SMCO2: variants seen among roughly 807,000 people sequenced by gnomAD.
The protein encoded by SMCO2 is single-pass membrane protein with coiled-coil domains 2, also known as single-pass membrane and coiled-coil domain-containing protein 2.
Under a neutral mutation model 29.5 loss-of-function variants are expected in SMCO2, and 25 were observed. That is an observed-to-expected ratio of 0.85 (90% confidence interval 0.62 to 1.18). The LOEUF (loss-of-function observed/expected upper bound fraction) is 1.18, where lower values mean the gene tolerates loss of function less well. SMCO2 is among the 50% of genes most tolerant of loss of function. SMCO2 has a pLI of 0.00. For missense variants in SMCO2, 348 were observed against 344.5 expected, an observed-to-expected ratio of 1.01 and a Z score of -0.08; for synonymous variants, 117 against 123.3, an observed-to-expected ratio of 0.95 and a Z score of 0.34.
chr12:27,472,294 C>A (rs184862192), intron 2 of SMCO2, among the ~76,000 whole-genome samples: 1 of 152,042 alleles, frequency 6.6e-6, no homozygotes, highest in Non-Finnish European at 1.5e-5. Flanking sequence ...ACATAAACAT[C>A]TCTGCTTATT....
chr12:27,428,867 T>C, the SMCO2 span, among the ~76,000 whole-genome samples: 2 of 150,302 alleles, frequency 1.3e-5, no homozygotes, highest in African/African-American at 4.9e-5. Context: ...GATGCCTAGA[T>C]TACATAAACT....
At chr12:27,446,586 T>TC in the SMCO2 span, 2 of 152,028 alleles carry the variant, frequency 1.3e-5, no homozygotes, top group Non-Finnish European at 2.9e-5. Flanking sequence ...CATCCTAACC[T>TC]CCCCACTTTG....
intron 4 of SMCO2, among the ~76,000 whole-genome samples, chr12:27,476,414 T>C (rs1277135993): frequency 6.6e-6 from 1 of 152,206 alleles, no homozygotes; most frequent in Non-Finnish European, 1.5e-5. Flanking sequence ...TGTTCCTTTG[T>C]TAATTTTTTG....
chr12:27,458,707 G>A, the SMCO2 span, among the ~76,000 whole-genome samples: 1 of 151,852 alleles, frequency 6.6e-6, no homozygotes, highest in Non-Finnish European at 1.5e-5. Context: ...CCAGCATGGT[G>A]AAACCCCCAT....
At chr12:27,480,050 G>C (rs1487063605) in intron 4 of SMCO2, among the ~76,000 whole-genome samples, 2 of 152,152 alleles carry the variant, frequency 1.3e-5, no homozygotes, top group Admixed American at 6.5e-5. Context: ...TGTGGCTGCA[G>C]GCCCAAGAGC....
chr12:27,452,328 C>T, the SMCO2 span, among the ~76,000 whole-genome samples: 1 of 152,184 alleles, frequency 6.6e-6, no homozygotes, highest in Non-Finnish European at 1.5e-5. Flanking sequence ...AGTAATTTCT[C>T]ATCGTCCACT....
the SMCO2 span, among the ~76,000 whole-genome samples, chr12:27,450,940 A>G: frequency 6.6e-6 from 1 of 152,160 alleles, no homozygotes; most frequent in Non-Finnish European, 1.5e-5. Flanking sequence ...TCTTGGGAGG[A>G]GTGAAAGAGA....
chr12:27,480,224 G>A (rs1387469677), intron 4 of SMCO2, among the ~76,000 whole-genome samples: 2 of 152,208 alleles, frequency 1.3e-5, no homozygotes, highest in Non-Finnish European at 2.9e-5. Flanking sequence ...TTTTCTGCCT[G>A]CCTTGTTCCA....
At chr12:27,445,755 G>A in the SMCO2 span, among the ~76,000 whole-genome samples, 2 of 152,240 alleles carry the variant, frequency 1.3e-5, no homozygotes, top group South Asian at 4.1e-4. Context: ...ACCACAGAGT[G>A]GGTGGCTTAA....
At chr12:27,452,162 G>A in the SMCO2 span, among the ~76,000 whole-genome samples, 1 of 152,186 alleles carries the variant, frequency 6.6e-6, no homozygotes, top group East Asian at 1.9e-4. Flanking sequence ...GAAAGTGGGA[G>A]TAAAGAAGGC....
intron 1 of SMCO2, among the ~76,000 whole-genome samples, chr12:27,468,197 T>TA (rs35500399): frequency 0.13 from 19,756 of 152,196 alleles, 1,601 homozygotes; most frequent in African/African-American, 0.23. Flanking sequence ...CTCCAAAGTT[T>TA]AGCTCTTATT....
chr12:27,471,332 TAA>T (rs1949539455), intron 2 of SMCO2, among the ~76,000 whole-genome samples: 1 of 152,206 alleles, frequency 6.6e-6, no homozygotes, highest in Non-Finnish European at 1.5e-5. Flanking sequence ...GTTTTTCATA[TAA>T]GTTTTTTCAT....
At chr12:27,438,871 G>A in the SMCO2 span, among the ~76,000 whole-genome samples, 2 of 151,384 alleles carry the variant, frequency 1.3e-5, no homozygotes, top group Non-Finnish European at 2.9e-5. Flanking sequence ...ACAGTTCCTG[G>A]GGCCACAGAG....
chr12:27,502,167 C>A, exon 8 of SMCO2: 1 of 1,398,532 alleles, frequency 7.2e-7, no homozygotes, highest in Non-Finnish European at 9.4e-7. Context: ...CACCAGTAAA[C>A]ATTGTGGCTG....
the SMCO2 span, among the ~76,000 whole-genome samples, chr12:27,459,155 C>T: frequency 1.4e-5 from 2 of 146,022 alleles, no homozygotes; most frequent in African/African-American, 2.6e-5. Flanking sequence ...CCACTGCACT[C>T]CAGCCTGGGC....
At chr12:27,465,648 T>C (rs1462229745), upstream of SMCO2, among the ~76,000 whole-genome samples, 1 of 152,240 alleles carries the variant, frequency 6.6e-6, no homozygotes, top group Non-Finnish European at 1.5e-5. Flanking sequence ...ACAACATTTT[T>C]TGAGCACCTA....
chr12:27,447,461 T>G, the SMCO2 span, among the ~76,000 whole-genome samples: 1 of 151,984 alleles, frequency 6.6e-6, no homozygotes, highest in East Asian at 1.9e-4. Context: ...GGGAGCTTGT[T>G]AGAAAGGCAG....
At chr12:27,484,839 A>G (rs190147756) in intron 4 of SMCO2, among the ~76,000 whole-genome samples, 2,573 of 131,348 alleles carry the variant, frequency 0.02, 90 homozygotes, top group African/African-American at 0.068. Flanking sequence ...GCGACAGAGT[A>G]AGACTCCATC....
chr12:27,445,070 T>C, the SMCO2 span, among the ~76,000 whole-genome samples: 1 of 152,158 alleles, frequency 6.6e-6, no homozygotes, highest in Non-Finnish European at 1.5e-5. Flanking sequence ...GCCATTATGC[T>C]GTGTGAAATA....
Sources: gnomAD v4.1 joint callset for allele counts (sites outside exome capture counted in the v4.1 genomes callset) on GRCh38, gnomAD v4.1.1 for gene constraint, MANE v1.5 for transcripts, NCBI Gene and HGNC (gene_info 2026-07-23, HGNC 2026-07-21) for gene names.